Variants in RABAC1 observed in about 807,000 individuals in gnomAD.
The protein encoded by RABAC1 is prenylated Rab acceptor protein 1.
Under a neutral mutation model 22.9 loss-of-function variants are expected in RABAC1, and 16 were observed. That is an observed-to-expected ratio of 0.70 (90% CI 0.47 to 1.06). The LOEUF (loss-of-function observed/expected upper bound fraction) is 1.06. Ranked by LOEUF, RABAC1 falls within the 50% of genes least tolerant of loss-of-function variation. RABAC1 has a pLI of 0.00. For synonymous variants in RABAC1, 139 were observed against 107.7 expected, an observed-to-expected ratio of 1.29 and a Z score of -1.80; for missense variants, 227 against 246.5, an observed-to-expected ratio of 0.92 and a Z score of 0.53.
chr19:41,956,980 C>T (rs369592864), intron 4 of RABAC1, 38 bp downstream of exon 4: 4 of 1,612,894 alleles, frequency 2.5e-6, no homozygotes, highest in African/African-American at 2.7e-5. Flanking sequence ...GCACCTGGCT[C>T]CCACCATCCA....
rs1389840596 is a variant in RABAC1, at chr19:41,958,948, C to G, written c.57G>C (p.Thr19=). The change falls in exon 2 of 5, where the codon ACG becomes ACC. Residue 19 remains threonine, a splice_region_variant and synonymous_variant. Coordinates refer to ENST00000222008, the MANE Select transcript of RABAC1 (RefSeq NM_006423.3). ...AGGGAATCAGCTTCGGCAGCAGGGT[C>G]CTGCGGGGGGTGGGGCCGGGTCAGT... ...KDAEAEGLSG[T]TLLPKLIPSG... 1.3e-6 allele frequency: 2 copies of G among 1,565,804 alleles called. No homozygotes were observed. Among genetic ancestry groups the G allele is most frequent in the Non-Finnish European group, 1.7e-6 (2 of 1,160,298 alleles).
chr19:41,957,807 T>C (rs2145931353), intron 3 of RABAC1: 1 of 162,678 alleles, frequency 6.1e-6, no homozygotes, highest in South Asian at 1.5e-4. Context: ...CCAGTGGTCC[T>C]TGGTACTACT....
intron 2 of RABAC1, 150 bp from the exon 3 acceptor site, chr19:41,958,533 G>T: frequency 3.3e-6 from 3 of 922,916 alleles, no homozygotes; most frequent in Non-Finnish European, 5.1e-6. Context: ...CCTGGCCAGG[G>T]TGATGGTGGG....
At chr19:41,957,544 A>G (rs2074995549) in intron 3 of RABAC1, 1 of 172,502 alleles carries the variant, frequency 5.8e-6, no homozygotes, top group East Asian at 1.7e-4. Flanking sequence ...ATTTCACATA[A>G]AAATACCAAC....
Position 41,956,894 on chromosome 19 carries a change from G to A in RABAC1, c.510C>T (p.His170=). The change falls in exon 5 of 5, where the codon CAC becomes CAT. Residue 170 remains histidine, a synonymous_variant. Transcript: ENST00000222008. ...LVVIGSHAAF[H]QIEAVDGEEL... ...CCTCCCCGTCCACAGCCTCAATCTG[G>A]TGGAAGGCAGCGTGGGAGCCGATGA... is the stretch of plus-strand genomic sequence containing the variant. The A allele has an allele frequency of 6.2e-7, 1 of 1,612,630 alleles. No individual in the cohort carries two copies.
Position 41,956,876 on chromosome 19 carries a change from G to A in RABAC1, c.528C>T (p.Asp176=), listed in dbSNP as rs112047575. 4.6e-4 allele frequency: 735 copies of A among 1,612,310 alleles called. 6 individuals carry two copies. The African/African-American group carries it at 5.6e-3, about 12-fold the overall frequency. The change falls in exon 5 of 5, where the codon GAC becomes GAT. Residue 176 remains aspartate (D), a synonymous_variant. Coordinates refer to ENST00000222008, the MANE Select transcript of RABAC1 (RefSeq NM_006423.3). ...CGGGTTCCATCTGCAGCTCCTCCCCGTCCACAGCCTCAATCTGGTGGAAGG... is the reference window on the plus strand; with the variant it reads ...CGGGTTCCATCTGCAGCTCCTCCCCATCCACAGCCTCAATCTGGTGGAAGG... The part of the protein sequence containing the change: ...HAAFHQIEAV[D]GEELQMEPV
chr19:41,958,527 GC>G, intron 2 of RABAC1, 144 bp from the exon 3 acceptor site: 1 of 941,290 alleles, frequency 1.1e-6, no homozygotes, highest in Non-Finnish European at 1.6e-6. Context: ...CTGCATCCTG[GC>G]CAGGGTGATG....
intron 2 of RABAC1, 108 bp from the exon 3 acceptor site, chr19:41,958,491 G>A (rs2075000291): frequency 9.0e-7 from 1 of 1,110,438 alleles, no homozygotes; most frequent in Non-Finnish European, 1.3e-6. Context: ...TGGAGACCAG[G>A]GAGGGCCAGG....
At chr19:41,958,977 G>A (rs1555857302) in intron 1 of RABAC1, 29 bp from the exon 2 acceptor site, 2 of 1,527,548 alleles carry the variant, frequency 1.3e-6, no homozygotes, top group Non-Finnish European at 1.8e-6. Context: ...GGTCAGTGGT[G>A]GACCGGGATG....
intron 3 of RABAC1, 40 bp downstream of exon 3, chr19:41,958,246 T>A: frequency 1.3e-6 from 2 of 1,562,452 alleles, no homozygotes; most frequent in South Asian, 2.3e-5. Context: ...AGACCAAGAT[T>A]TGAGGGACCA....
chr19:41,958,635 T>G, intron 2 of RABAC1, 101 bp downstream of exon 2: 4 of 1,287,000 alleles, frequency 3.1e-6, no homozygotes, highest in Non-Finnish European at 4.3e-6. Context: ...CCCTGGGCGG[T>G]GAGAGGAGGG....
chr19:41,956,992 C>A (rs373503532), intron 4 of RABAC1, 26 bp downstream of exon 4: 2 of 1,613,318 alleles, frequency 1.2e-6, no homozygotes, highest in African/African-American at 1.3e-5. Context: ...CACCATCCAC[C>A]CCAGCTGCTC....
intron 2 of RABAC1, 23 bp downstream of exon 2, chr19:41,958,713 T>G (rs1437727270): frequency 6.3e-7 from 1 of 1,599,280 alleles, no homozygotes; most frequent in Non-Finnish European, 8.5e-7. Context: ...CTAGTGCGGG[T>G]GCGGGGCCCG....
intron 3 of RABAC1, 125 bp downstream of exon 3, chr19:41,958,161 T>C (rs1472254013): frequency 1.1e-5 from 9 of 823,386 alleles, no homozygotes; most frequent in East Asian, 8.2e-5. Flanking sequence ...GGGGATCTAG[T>C]GTACATCTAG....
chr19:41,959,242 G>A lies in RABAC1; in HGVS notation c.51C>T (p.Ser17=), dbSNP rs782417187. 2 of 1,613,538 alleles carry A rather than the reference G, an allele frequency of 1.2e-6. No individual in the cohort carries two copies. The highest frequency in any genetic ancestry group is 2.2e-5 in the South Asian group (2 of 91,086). ...QQKDAEAEGL[S]GTTLLPKLIP... ...CCTAGAGCCAGCTCGCTCACGTGCC[G>A]CTCAGCCCTTCCGCCTCGGCATCTT... Residue 17 remains serine (S), a synonymous_variant, in exon 1 of 5, where the codon AGC becomes AGT. Coordinates refer to ENST00000222008, the MANE Select transcript of RABAC1 (RefSeq NM_006423.3).
Position 41,958,855 on chromosome 19 carries a change from G to A in RABAC1, c.150C>T (p.Asp50=). Residue 50 remains aspartate, a synonymous_variant, in exon 2 of 5, where the codon GAC becomes GAT. Transcript: ENST00000222008. ...TGCGGGGCCGTGAGAAGCGCTGCTG[G>A]TCCACGAAGGTGCTCCAGGGCCGGA... ...ATIRPWSTFV[D]QQRFSRPRNL... The A allele has an allele frequency of 6.2e-7, 1 of 1,607,574 alleles. No homozygotes were observed. Among genetic ancestry groups the A allele is most frequent in the Non-Finnish European group, 8.5e-7 (1 of 1,179,318 alleles).
At chr19:41,956,963 C>T in intron 4 of RABAC1, 29 bp from the exon 5 acceptor site, 3 of 1,612,318 alleles carry the variant, frequency 1.9e-6, no homozygotes, top group Non-Finnish European at 2.5e-6. Context: ...CTCAGGGCCA[C>T]ACTCCTGCAC....
chr19:41,958,966 G>A lies in RABAC1; in HGVS notation c.57-18C>T, dbSNP rs1472898828. ...GCAGGGTCCTGCGGGGGGTGGGGCC[G>A]GGTCAGTGGTGGACCGGGATGGAGC... On this transcript the variant is annotated intron_variant, in intron 1 of 4. Transcript: ENST00000222008. The A allele has an allele frequency of 2.6e-5, 40 of 1,547,000 alleles. No individual in the cohort carries two copies. Among genetic ancestry groups the A allele is most frequent in the Non-Finnish European group, 3.4e-5 (39 of 1,151,446 alleles).
chr19:41,958,447 G>A (rs1025678964), intron 2 of RABAC1, 64 bp from the exon 3 acceptor site: 21 of 1,478,670 alleles, frequency 1.4e-5, no homozygotes, highest in Admixed American at 1.9e-5. Context: ...CGACGGCCCT[G>A]GCCTTCTCCA....
Sources: gnomAD v4.1 joint callset for allele counts on GRCh38, gnomAD v4.1.1 for gene constraint, MANE v1.5 for transcripts, NCBI Gene and HGNC (gene_info 2026-07-23, HGNC 2026-07-21) for gene names.